Variants in TENM2 observed in about 807,000 individuals in gnomAD.
The protein encoded by TENM2 is teneurin-2.
In TENM2, 52 loss-of-function variants were observed where a neutral mutation model predicts 245.2. The ratio of observed to expected loss-of-function variants is 0.21; its 90% CI spans 0.17 to 0.27. TENM2 has a LOEUF of 0.27. Ranked by LOEUF, TENM2 falls within the 10% of genes least tolerant of loss-of-function variation. The pLI is 1.00. For synonymous variants in TENM2, 1,363 were observed against 1,438.9 expected (o/e 0.95, Z 1.19); for missense variants, 3,046 against 3,666.8 (o/e 0.83, Z 4.37).
At chr5:167,640,409 G>A (rs1779477331) in intron 2 of TENM2, among the ~76,000 whole-genome samples, 1 of 152,090 alleles carries the variant, frequency 6.6e-6, no homozygotes, top group Non-Finnish European at 1.5e-5. Context: ...CCTGAGGTCA[G>A]GAGTTCAAGA....
chr5:167,591,020 T>G (rs1288027532), intron 2 of TENM2, among the ~76,000 whole-genome samples: 2 of 152,192 alleles, frequency 1.3e-5, no homozygotes, highest in African/African-American at 4.8e-5. Flanking sequence ...AATGCTGATC[T>G]AATATGGTTG....
chr5:167,238,000 ACT>A, the TENM2 span, among the ~76,000 whole-genome samples: 2 of 121,022 alleles, frequency 1.7e-5, no homozygotes, highest in African/African-American at 3.5e-5. Context: ...ACAGAGTGAG[ACT>A]CTGTCTCAAA....
chr5:167,603,412 G>C (rs278008), intron 2 of TENM2, among the ~76,000 whole-genome samples: 1 of 151,992 alleles, frequency 6.6e-6, no homozygotes, highest in Admixed American at 6.5e-5. Context: ...GCTGGGCACA[G>C]TGGCTCACAC....
At position 167,661,066 on chromosome 5, in the gene TENM2, A is replaced by T. The variant is rs917502785; in HGVS notation, c.503-214920A>T. Among the ~76,000 whole-genome samples, 4 of 152,142 alleles carry T rather than the reference A, an allele frequency of 2.6e-5. No individual in the cohort carries two copies. In the East Asian group the frequency reaches 5.8e-4, roughly 22 times the overall value. On this transcript the variant is annotated intron_variant, in intron 2 of 28. Coordinates refer to ENST00000518659, the Ensembl canonical transcript of TENM2. ...TCAGAAGAAATGCAAAATGGTAGAT[A>T]TTTTTCCTTAGATGCCATTAGGGCA...
intron 2 of TENM2, among the ~76,000 whole-genome samples, chr5:167,419,756 A>G (rs879066801): frequency 6.6e-6 from 1 of 152,226 alleles, no homozygotes; most frequent in Admixed American, 6.5e-5. Flanking sequence ...ACTTCTCTTC[A>G]GTAAACCAAG....
intron 2 of TENM2, among the ~76,000 whole-genome samples, chr5:167,427,570 A>AG (rs1213486816): frequency 8.6e-6 from 1 of 116,810 alleles, no homozygotes; most frequent in Non-Finnish European, 1.7e-5. Context: ...AAGGGAAGGA[A>AG]GGAAGGACGG....
the TENM2 span, among the ~76,000 whole-genome samples, chr5:167,205,847 T>C: frequency 6.6e-6 from 1 of 152,232 alleles, no homozygotes; most frequent in African/African-American, 2.4e-5. Flanking sequence ...TGGTGGAATT[T>C]AGTTCCTTGT....
At chr5:168,224,277 G>T (rs1226836419) in intron 23 of TENM2, among the ~76,000 whole-genome samples, 1 of 152,146 alleles carries the variant, frequency 6.6e-6, no homozygotes, top group East Asian at 1.9e-4. Flanking sequence ...GCCACCCCAT[G>T]CCTGGGGCCC....
At chr5:167,189,554 T>G in the TENM2 span, among the ~76,000 whole-genome samples, 9 of 151,888 alleles carry the variant, frequency 5.9e-5, no homozygotes, top group African/African-American at 2.2e-4. Flanking sequence ...TCTTTCTTTC[T>G]TTCTCTTTCT....
intron 2 of TENM2, among the ~76,000 whole-genome samples, chr5:167,773,684 G>A (rs1028448459): frequency 2.0e-5 from 3 of 152,068 alleles, no homozygotes; most frequent in African/African-American, 7.2e-5. Context: ...TCCTGAAAAT[G>A]GCAAGGAGTA....
intron 1 of TENM2, among the ~76,000 whole-genome samples, chr5:167,362,409 C>T (rs961604897): frequency 4.6e-5 from 7 of 152,118 alleles, no homozygotes; most frequent in African/African-American, 7.2e-5. Flanking sequence ...GTCTAATATA[C>T]GGTGTGATTA....
chr5:168,016,175 A>T (rs1785634742), intron 5 of TENM2, among the ~76,000 whole-genome samples: 1 of 152,096 alleles, frequency 6.6e-6, no homozygotes, highest in South Asian at 2.1e-4. Flanking sequence ...ATGGGATTGT[A>T]CTCTTTTTAT....
In TENM2 at chr5:167,555,697, A is replaced by T. The variant is rs1773220855; in HGVS notation, c.502+180224A>T. Among the ~76,000 whole-genome samples the T allele has an allele frequency of 2.6e-5, 4 of 152,054 alleles. No homozygotes were observed. The South Asian group carries it at 8.3e-4, about 31-fold the overall frequency. On this transcript the variant is annotated intron_variant, in intron 2 of 28. Transcript: ENST00000518659. ...AGAGACAACTCCTCCATTTGCTACT[A>T]AGAAGAATAAATCCCTCCCTGACAT...
chr5:167,353,500 G>GTTTTTTTT lies in TENM2; in HGVS notation c.227-21680_227-21673dup, dbSNP rs59240930. ...TATGGTGTTTTTTGTTGTTGTTGTT[G>GTTTTTTTT]TTTTTTTTTTTTTTTTTTTTTTTTT... On this transcript the variant is annotated intron_variant, in intron 1 of 28. Coordinates refer to ENST00000518659, the Ensembl canonical transcript of TENM2. 2.3e-3 allele frequency among the ~76,000 whole-genome samples: 183 copies of GTTTTTTTT among 79,456 alleles called. 2 individuals carry two copies. Among genetic ancestry groups the GTTTTTTTT allele is most frequent in the African/African-American group, 3.2e-3 (60 of 18,732 alleles). 52.1% of individuals were successfully genotyped at this position (79,456 alleles called of 152,430 possible).
intron 12 of TENM2, among the ~76,000 whole-genome samples, chr5:168,140,285 G>A (rs1033723298): frequency 1.8e-4 from 28 of 152,182 alleles, no homozygotes; most frequent in African/African-American, 5.8e-4. Flanking sequence ...AACACAATGA[G>A]CAACAACAGA....
intron 2 of TENM2, among the ~76,000 whole-genome samples, chr5:167,651,716 G>A (rs886991869): frequency 1.3e-5 from 2 of 152,158 alleles, no homozygotes; most frequent in African/African-American, 4.8e-5. Context: ...TGTGTGTCCA[G>A]CTCTAACTCT....
intron 2 of TENM2, among the ~76,000 whole-genome samples, chr5:167,412,114 C>G (rs978014602): frequency 6.6e-6 from 1 of 152,120 alleles, no homozygotes; most frequent in Non-Finnish European, 1.5e-5. Context: ...TTGCTTAACT[C>G]TAGCAGACCA....
chr5:167,333,123 G>A (rs562434798), intron 1 of TENM2, among the ~76,000 whole-genome samples: 5 of 152,312 alleles, frequency 3.3e-5, no homozygotes, highest in Non-Finnish European at 5.9e-5. Flanking sequence ...AGTGTTATGG[G>A]CATTAAGTAA....
chr5:167,974,710 G>A (rs1176544397), intron 4 of TENM2, among the ~76,000 whole-genome samples: 4 of 152,112 alleles, frequency 2.6e-5, no homozygotes, highest in Non-Finnish European at 4.4e-5. Flanking sequence ...CAGGTTAAAG[G>A]TGAGGCAACC....
Sources: gnomAD v4.1 joint callset for allele counts (sites outside exome capture counted in the v4.1 genomes callset) on GRCh38, gnomAD v4.1.1 for gene constraint, MANE v1.5 for transcripts, NCBI Gene and HGNC (gene_info 2026-07-23, HGNC 2026-07-21) for gene names.